The following FARS2 variants were observed in gnomAD, a reference collection of about 807,000 sequenced individuals.
The protein encoded by FARS2 is phenylalanyl-tRNA synthetase 2, mitochondrial, also known as phenylalanine--tRNA ligase, mitochondrial.
Under a neutral mutation model 46.4 loss-of-function variants are expected in FARS2, and 40 were observed. The ratio of observed to expected loss-of-function variants is 0.86; its 90% CI spans 0.67 to 1.12. The LOEUF is 1.12. Ranked by LOEUF, FARS2 falls within the 50% of genes most tolerant of loss-of-function variation. The pLI, the probability that FARS2 is intolerant of heterozygous loss-of-function variation, is 0.00. For missense variants in FARS2, 513 were observed against 567.9 expected (o/e 0.90, Z 0.98); for synonymous variants, 234 against 214.9 (o/e 1.09, Z -0.78).
chr6:5,584,137 A>ACACACC (rs1415049250), intron 5 of FARS2, among the ~76,000 whole-genome samples: 2 of 151,008 alleles, frequency 1.3e-5, no homozygotes, highest in Non-Finnish European at 1.5e-5. Flanking sequence ...ACACACACAC[A>ACACACC]CACACTCCTT....
chr6:5,269,586 G>A (rs1173811442), intron 1 of FARS2, among the ~76,000 whole-genome samples: 2 of 151,756 alleles, frequency 1.3e-5, no homozygotes, highest in Non-Finnish European at 2.9e-5. Context: ...TGACTTCTTC[G>A]AATGAGTGTA....
chr6:5,346,166 T>C (rs550269665), intron 1 of FARS2, among the ~76,000 whole-genome samples: 1 of 152,234 alleles, frequency 6.6e-6, no homozygotes, highest in Non-Finnish European at 1.5e-5. Flanking sequence ...CCAGCTGATC[T>C]TTAATGTTCT....
At position 5,343,479 on chromosome 6, in the gene FARS2, T is replaced by A. The variant is rs1757022137; in HGVS notation, c.-21-25071T>A. Among the ~76,000 whole-genome samples the A allele has an allele frequency of 6.6e-6, 1 of 152,214 alleles. No homozygotes were observed. The highest frequency in any genetic ancestry group is 2.1e-4 in the South Asian group (1 of 4,828). ...CACCCGCCTCGGCCTCTGAAAGTGC[T>A]GGGATTACAGGCGTGAACCACCGCG... On this transcript the variant is annotated intron_variant, in intron 1 of 6. Coordinates refer to ENST00000274680, the MANE Select transcript of FARS2 (RefSeq NM_006567.5). The surrounding 1 kb of genome is among the most constrained non-coding windows in gnomAD (Gnocchi z 4.5).
intron 6 of FARS2, among the ~76,000 whole-genome samples, chr6:5,655,870 GTC>G (rs1366112326): frequency 1.3e-5 from 2 of 152,134 alleles, no homozygotes; most frequent in African/African-American, 4.8e-5. Flanking sequence ...CCCCATCTCT[GTC>G]TCTGAGTATT....
At chr6:5,501,779 G>T (rs1210315758) in intron 4 of FARS2, among the ~76,000 whole-genome samples, 1 of 152,198 alleles carries the variant, frequency 6.6e-6, no homozygotes, top group Non-Finnish European at 1.5e-5. Flanking sequence ...ACAGGTGTGA[G>T]CCACCACGCC....
intron 4 of FARS2, among the ~76,000 whole-genome samples, chr6:5,468,729 A>T (rs955032250): frequency 1.3e-5 from 2 of 152,200 alleles, no homozygotes; most frequent in African/African-American, 4.8e-5. Context: ...CCGGTTATTC[A>T]TACTTTCACA....
At chr6:5,722,180 A>G (rs1017930324) in intron 6 of FARS2, among the ~76,000 whole-genome samples, 2 of 152,234 alleles carry the variant, frequency 1.3e-5, no homozygotes, top group African/African-American at 4.8e-5. Flanking sequence ...AGGCACCCAC[A>G]GTTTTATCTA....
intron 2 of FARS2, among the ~76,000 whole-genome samples, chr6:5,372,835 G>A (rs767238497): frequency 2.6e-5 from 4 of 152,012 alleles, no homozygotes; most frequent in African/African-American, 7.2e-5. Flanking sequence ...CATATCTTTC[G>A]CTTTAGATAT....
At chr6:5,531,546 C>T (rs984294418) in intron 4 of FARS2, among the ~76,000 whole-genome samples, 2 of 152,202 alleles carry the variant, frequency 1.3e-5, no homozygotes, top group Non-Finnish European at 2.9e-5. Context: ...TTAAAGAACA[C>T]TGCTTGTAAG....
intron 6 of FARS2, among the ~76,000 whole-genome samples, chr6:5,769,547 C>G (rs562620923): frequency 6.6e-6 from 1 of 152,180 alleles, no homozygotes; most frequent in Non-Finnish European, 1.5e-5. Context: ...AGCAGTGCCT[C>G]CCCCAGGAGT....
At chr6:5,614,808 T>A (rs1490975237) in intron 6 of FARS2, among the ~76,000 whole-genome samples, 1 of 152,234 alleles carries the variant, frequency 6.6e-6, no homozygotes, top group African/African-American at 2.4e-5. Flanking sequence ...AAGTTCATCA[T>A]CTAGAATTTT....
intron 6 of FARS2, among the ~76,000 whole-genome samples, chr6:5,625,149 T>C (rs1775969299): frequency 6.6e-6 from 1 of 152,188 alleles, no homozygotes; most frequent in Non-Finnish European, 1.5e-5. Context: ...ATCTTGACTG[T>C]AGATCTTGGA....
intron 6 of FARS2, among the ~76,000 whole-genome samples, chr6:5,671,467 T>A (rs975301675): frequency 6.6e-5 from 10 of 152,216 alleles, no homozygotes; most frequent in Non-Finnish European, 2.9e-5. Flanking sequence ...CTGCCGGAAC[T>A]TCCTGGTGTT....
chr6:5,333,831 C>T (rs1406559566), intron 1 of FARS2, among the ~76,000 whole-genome samples: 1 of 152,174 alleles, frequency 6.6e-6, no homozygotes, highest in Non-Finnish European at 1.5e-5. Context: ...GCACTTTGTA[C>T]ATCATCTACC....
upstream of FARS2, among the ~76,000 whole-genome samples, chr6:5,256,262 G>C (rs1226498888): frequency 6.6e-6 from 1 of 151,890 alleles, no homozygotes; most frequent in Admixed American, 6.6e-5. Flanking sequence ...GGCCGAGGTG[G>C]GCGGATCACC....
At chr6:5,322,459 GT>G (rs113011143) in intron 1 of FARS2, among the ~76,000 whole-genome samples, 2 of 151,770 alleles carry the variant, frequency 1.3e-5, no homozygotes, top group African/African-American at 4.8e-5. Flanking sequence ...TCATTGAGTA[GT>G]TTTTTTTTAA....
chr6:5,279,614 C>T (rs990737636), intron 1 of FARS2, among the ~76,000 whole-genome samples: 6 of 149,510 alleles, frequency 4.0e-5, no homozygotes, highest in East Asian at 3.9e-4. Context: ...ATAAGGAAGA[C>T]GAGATCTGTA....
chr6:5,441,058 A>T lies in FARS2; in HGVS notation c.904+9886A>T, dbSNP rs143074237. Among the ~76,000 whole-genome samples, 617 of 151,910 alleles carry T rather than the reference A, an allele frequency of 4.1e-3. 11 individuals are homozygous for T. The highest frequency in any genetic ancestry group is 0.014 in the African/African-American group (589 of 41,424). ...TGCCTCAGCCTTCTGAGTAGCTGGGACTACAGGTGTGCGCCACCACAACCG... is the reference window on the plus strand; with the variant it reads ...TGCCTCAGCCTTCTGAGTAGCTGGGTCTACAGGTGTGCGCCACCACAACCG... On this transcript the variant is annotated intron_variant, in intron 4 of 6. Transcript: ENST00000274680.
intron 4 of FARS2, among the ~76,000 whole-genome samples, chr6:5,491,910 ATT>A (rs56845547): frequency 7.7e-4 from 115 of 148,672 alleles, no homozygotes; most frequent in African/African-American, 2.6e-3. Context: ...TATTGTAAAG[ATT>A]TTTTTTTTTT....
Sources: gnomAD v4.1 joint callset for allele counts (sites outside exome capture counted in the v4.1 genomes callset) on GRCh38, gnomAD v4.1.1 for gene constraint, Gnocchi (gnomAD v3.1) non-coding constraint, MANE v1.5 for transcripts, NCBI Gene and HGNC (gene_info 2026-07-23, HGNC 2026-07-21) for gene names.